Variants in CALHM4 observed in about 807,000 individuals in gnomAD.
CALHM4 encodes calcium homeostasis modulator family member 4.
A neutral mutation model predicts 13.3 loss-of-function variants in CALHM4; 16 were observed. That is an observed-to-expected ratio of 1.20 (90% CI 0.81 to 1.82). The LOEUF is 1.82. CALHM4 is among the 40% of genes most tolerant of loss of function. The pLI, the probability that CALHM4 is intolerant of heterozygous loss-of-function variation, is 0.00. For missense variants in CALHM4, 344 were observed against 374.9 expected (o/e 0.92, Z 0.68); for synonymous variants, 127 against 137.1 (o/e 0.93, Z 0.52).
chr6:116,552,492 A>G (rs956867702), upstream of CALHM4, among the ~76,000 whole-genome samples: 3 of 152,064 alleles, frequency 2.0e-5, no homozygotes, highest in Non-Finnish European at 4.4e-5. Flanking sequence ...TACTAGACAG[A>G]TTGTGTAGTT....
chr6:116,540,410 C>A (rs1583295085), intron 1 of CALHM4: 2 of 1,551,320 alleles, frequency 1.3e-6, no homozygotes, highest in South Asian at 1.2e-5. Flanking sequence ...CATCTTCCCA[C>A]GCAGGATCGA....
intron 1 of CALHM4, chr6:116,543,380 A>G (rs1436527958): frequency 1.3e-6 from 2 of 1,549,730 alleles, no homozygotes; most frequent in African/African-American, 2.7e-5. Context: ...CTCCATAGGT[A>G]AGGACAAAGA....
intron 1 of CALHM4, among the ~76,000 whole-genome samples, chr6:116,555,771 A>G (rs577534392): frequency 1.9e-4 from 29 of 152,192 alleles, no homozygotes; most frequent in Non-Finnish European, 3.7e-4. Flanking sequence ...ATTTTTGTGA[A>G]TTGACCACAA....
chr6:116,553,635 A>T (rs554745822), upstream of CALHM4: 1 of 693,368 alleles, frequency 1.4e-6, no homozygotes, highest in African/African-American at 1.8e-5. Context: ...GGGTTTTCAA[A>T]GTACACAAGG....
chr6:116,530,219 C>A (rs1026033051), intron 1 of CALHM4, among the ~76,000 whole-genome samples: 4 of 151,858 alleles, frequency 2.6e-5, no homozygotes, highest in Non-Finnish European at 5.9e-5. Context: ...ACAAACCACC[C>A]CCCCTCCTTT....
intron 1 of CALHM4, among the ~76,000 whole-genome samples, chr6:116,537,691 T>C (rs143688229): frequency 3.3e-5 from 5 of 152,322 alleles, no homozygotes; most frequent in South Asian, 2.1e-4. Flanking sequence ...CTTAAATGCA[T>C]TGGGCAAGGT....
In CALHM4 at chr6:116,533,689, C is replaced by G. The variant is rs140825111; in HGVS notation, c.-109+4499C>G. Among the ~76,000 whole-genome samples the G allele has an allele frequency of 3.9e-5, 6 of 152,328 alleles. No individual in the cohort carries two copies. In the East Asian group the frequency reaches 1.2e-3, roughly 29 times the overall value. ...CCTACTTGTAACGCTAGAGCTCCAT[C>G]ATGCAGACATTTCTCCTTGGCCAGA... On this transcript the variant is annotated intron_variant, in intron 1 of 2. Coordinates refer to the CALHM4 transcript ENST00000368597.
At chr6:116,545,107 A>G (rs1773697340) in intron 2 of CALHM4, among the ~76,000 whole-genome samples, 1 of 145,390 alleles carries the variant, frequency 6.9e-6, no homozygotes, top group Admixed American at 6.8e-5. Context: ...ATATACACAC[A>G]TATATATATA....
chr6:116,543,299 T>G, intron 1 of CALHM4: 1 of 1,544,912 alleles, frequency 6.5e-7, no homozygotes, highest in South Asian at 1.2e-5. Flanking sequence ...GGACTTCCAC[T>G]TACATTTTAT....
At chr6:116,553,003 G>A (rs1774147887), upstream of CALHM4, among the ~76,000 whole-genome samples, 1 of 152,204 alleles carries the variant, frequency 6.6e-6, no homozygotes, top group African/African-American at 2.4e-5. Context: ...GAACCCGGGA[G>A]GCGGAGCTTG....
chr6:116,532,120 T>C (rs1188476595), intron 1 of CALHM4, among the ~76,000 whole-genome samples: 2 of 152,216 alleles, frequency 1.3e-5, no homozygotes, highest in African/African-American at 4.8e-5. Flanking sequence ...GGGCTGCTTC[T>C]GCATGTAGTG....
upstream of CALHM4, among the ~76,000 whole-genome samples, chr6:116,552,273 T>C (rs1774113668): frequency 6.6e-6 from 1 of 152,236 alleles, no homozygotes; most frequent in East Asian, 1.9e-4. Context: ...TTATCTGTTT[T>C]TTTCTTTCTG....
intron 1 of CALHM4, chr6:116,543,175 C>T (rs1773567775): frequency 3.1e-6 from 2 of 644,802 alleles, no homozygotes; most frequent in South Asian, 5.1e-5. Context: ...GTTCAGCTTT[C>T]AGATGTGATT....
At chr6:116,556,546 A>G (rs1251898171) in intron 1 of CALHM4, among the ~76,000 whole-genome samples, 1 of 152,216 alleles carries the variant, frequency 6.6e-6, no homozygotes, top group Non-Finnish European at 1.5e-5. Flanking sequence ...GAGTACAACT[A>G]TCCCACTGTG....
chr6:116,544,123 T>G (rs1773624863), intron 2 of CALHM4, among the ~76,000 whole-genome samples: 1 of 132,266 alleles, frequency 7.6e-6, no homozygotes, highest in African/African-American at 2.6e-5. Context: ...GTACTAATGC[T>G]ACAGCATAAA....
At chr6:116,540,474 G>A (rs1291157598) in intron 1 of CALHM4, 3 of 1,549,448 alleles carry the variant, frequency 1.9e-6, no homozygotes, top group South Asian at 1.2e-5. Flanking sequence ...TGTGGATGAC[G>A]GAAAGAGTGT....
intron 1 of CALHM4, 37 bp from the exon 2 acceptor site, chr6:116,557,788 G>C (rs1196941187): frequency 6.3e-7 from 1 of 1,590,020 alleles, no homozygotes; most frequent in East Asian, 2.2e-5. Flanking sequence ...TTGATGCATT[G>C]ATACTTCCTG....
chr6:116,529,173 C>A (rs748664351), exon 1 of CALHM4: 6 of 152,178 alleles, frequency 3.9e-5, no homozygotes, highest in Non-Finnish European at 2.9e-5. Flanking sequence ...TTGCTGCAAC[C>A]CTTCAGCTCT....
At chr6:116,552,496 T>G (rs991905473), upstream of CALHM4, among the ~76,000 whole-genome samples, 5 of 152,178 alleles carry the variant, frequency 3.3e-5, no homozygotes, top group Admixed American at 3.3e-4. Context: ...AGACAGATTG[T>G]GTAGTTGCTT....
Sources: gnomAD v4.1 joint callset for allele counts (sites outside exome capture counted in the v4.1 genomes callset) on GRCh38, gnomAD v4.1.1 for gene constraint, MANE v1.5 for transcripts, NCBI Gene and HGNC (gene_info 2026-07-23, HGNC 2026-07-21) for gene names.